The following EYS variants were observed in gnomAD, a reference collection of about 807,000 sequenced individuals.
EYS encodes protein eyes shut homolog.
In EYS, 250 loss-of-function variants were observed where a neutral mutation model predicts 282.1. The ratio of observed to expected loss-of-function variants is 0.89; its 90% CI spans 0.80 to 0.98. The LOEUF is 0.98. EYS is among the 50% of genes least tolerant of loss of function. EYS has a pLI of 0.00. For synonymous variants in EYS, 1,355 were observed against 1,282.9 expected, an observed-to-expected ratio of 1.06 and a Z score of -1.20; for missense variants, 4,016 against 3,709.0, an observed-to-expected ratio of 1.08 and a Z score of -2.15.
intron 21 of EYS, among the ~76,000 whole-genome samples, chr6:64,817,348 A>T (rs1764767121): frequency 6.6e-6 from 1 of 152,196 alleles, no homozygotes. Flanking sequence ...GCCAGAATCC[A>T]CTATGTACTA....
chr6:64,728,459 TGAGTAGCTGGGGCTACA>T (rs1771837383), intron 22 of EYS, among the ~76,000 whole-genome samples: 1 of 152,084 alleles, frequency 6.6e-6, no homozygotes, highest in East Asian at 1.9e-4. Context: ...CTTAGCCTCC[TGAGTAGCTGGGGCTACA>T]GGCGCCCGCC....
intron 8 of EYS, among the ~76,000 whole-genome samples, chr6:65,359,473 C>T (rs1764616169): frequency 6.6e-6 from 1 of 151,916 alleles, no homozygotes; most frequent in Admixed American, 6.6e-5. Context: ...CTTATTTCAG[C>T]AGCAACCTTT....
chr6:65,542,473 ATGTGTG>A (rs35318949), intron 2 of EYS, among the ~76,000 whole-genome samples: 7,667 of 146,314 alleles, frequency 0.052, 204 homozygotes, highest in African/African-American at 0.081. Flanking sequence ...TAACAATAGA[ATGTGTG>A]TGTGTGTGTG....
At chr6:65,073,334 C>G (rs1773952140) in intron 12 of EYS, among the ~76,000 whole-genome samples, 1 of 151,616 alleles carries the variant, frequency 6.6e-6, no homozygotes, top group African/African-American at 2.4e-5. Context: ...AACTGACTTT[C>G]AAGTATAAAG....
At chr6:63,904,562 T>C (rs1364648750) in intron 35 of EYS, among the ~76,000 whole-genome samples, 2 of 152,130 alleles carry the variant, frequency 1.3e-5, no homozygotes, top group Non-Finnish European at 2.9e-5. Context: ...CTGTAGAAAA[T>C]GGTGACCTTC....
intron 5 of EYS, among the ~76,000 whole-genome samples, chr6:65,414,209 T>C (rs988624168): frequency 6.6e-5 from 10 of 152,168 alleles, no homozygotes; most frequent in African/African-American, 2.2e-4. Context: ...GCTAAGAGAC[T>C]GAGTCAACAA....
chr6:64,804,685 G>A (rs1027987625), intron 22 of EYS, among the ~76,000 whole-genome samples: 4 of 152,004 alleles, frequency 2.6e-5, no homozygotes, highest in African/African-American at 9.7e-5. Context: ...ACCTATGTTT[G>A]ATAAAGGTGT....
At chr6:65,657,804 T>C (rs1427992155) in intron 1 of EYS, among the ~76,000 whole-genome samples, 3 of 151,826 alleles carry the variant, frequency 2.0e-5, no homozygotes, top group Non-Finnish European at 3.0e-5. Flanking sequence ...TCAAATAGCA[T>C]TGCGTGCTAC....
chr6:64,980,425 A>G lies in EYS; in HGVS notation c.2259+17157T>C, dbSNP rs60946950. 2.1e-3 allele frequency among the ~76,000 whole-genome samples: 319 copies of G among 151,592 alleles called. 4 individuals are homozygous for G. Among genetic ancestry groups the G allele is most frequent in the African/African-American group, 7.1e-3 (296 of 41,486 alleles). On this transcript the variant is annotated intron_variant, in intron 14 of 42. Coordinates refer to ENST00000503581, the MANE Select transcript of EYS (RefSeq NM_001142800.2). ...CTGTAGCCTCAAGATAATTCTCCAG[A>G]ATGCCACAATAAATATATATGTCTT...
chr6:63,837,852 TC>T, intron 36 of EYS, among the ~76,000 whole-genome samples: 1 of 152,266 alleles, frequency 6.6e-6, no homozygotes, highest in South Asian at 2.1e-4. Flanking sequence ...CTTGTTTTAT[TC>T]CCTTGAAGAG....
chr6:63,923,295 C>T (rs1762113169), intron 35 of EYS, among the ~76,000 whole-genome samples: 1 of 151,940 alleles, frequency 6.6e-6, no homozygotes. Context: ...ACATTTTATG[C>T]AAATATGCCA....
At chr6:65,619,356 T>C (rs1273081552) in intron 2 of EYS, among the ~76,000 whole-genome samples, 3 of 152,084 alleles carry the variant, frequency 2.0e-5, no homozygotes, top group South Asian at 4.1e-4. Flanking sequence ...TCTCTGTTTG[T>C]CTGTTATTGG....
chr6:65,404,491 C>A (rs1033504277), intron 6 of EYS, among the ~76,000 whole-genome samples: 1 of 151,902 alleles, frequency 6.6e-6, no homozygotes, highest in African/African-American at 2.4e-5. Flanking sequence ...TTAGAAGAAG[C>A]ATGTATTATT....
chr6:64,795,108 G>T (rs1323117352), intron 22 of EYS, among the ~76,000 whole-genome samples: 3 of 151,962 alleles, frequency 2.0e-5, no homozygotes, highest in Non-Finnish European at 4.4e-5. Context: ...GGTGGCAGAT[G>T]TTTGTAATCC....
chr6:64,651,638 G>A (rs534541330), intron 22 of EYS, among the ~76,000 whole-genome samples: 142 of 152,222 alleles, frequency 9.3e-4, no homozygotes, highest in Non-Finnish European at 1.4e-3. Context: ...AGCCGAGACC[G>A]CGCCACCGCA....
At chr6:65,104,483 C>T (rs1475263030) in intron 12 of EYS, among the ~76,000 whole-genome samples, 3 of 151,366 alleles carry the variant, frequency 2.0e-5, no homozygotes, top group African/African-American at 7.3e-5. Context: ...TCTTACTCAT[C>T]CTAAATGCAG....
At position 63,970,852 on chromosome 6, in the gene EYS, A is replaced by G. The variant is rs114485449; in HGVS notation, c.7055+13531T>C. 2.7e-3 allele frequency among the ~76,000 whole-genome samples: 416 copies of G among 152,332 alleles called. 2 individuals are homozygous for G. Among genetic ancestry groups the G allele is most frequent in the African/African-American group, 9.5e-3 (393 of 41,582 alleles). On this transcript the variant is annotated intron_variant, in intron 35 of 42. Transcript: ENST00000503581. The stretch of plus-strand genomic sequence containing the variant: ...GGAAACTGGAAGACAATTTTGATAA[A>G]GTATAATTTCATAATGGTAAAATCA...
rs373899378 is a variant in EYS, at chr6:64,658,382, C to A, written c.3444-32137G>T. On this transcript the variant is annotated intron_variant, in intron 22 of 42. Coordinates refer to ENST00000503581, the MANE Select transcript of EYS (RefSeq NM_001142800.2). Reference sequence around the variant, plus strand: ...AAGTCATTCTCCGTCCAGCATTGTTCTGCTGCTGGTGAGGAGCTGCATTCC... The same window carrying A: ...AAGTCATTCTCCGTCCAGCATTGTTATGCTGCTGGTGAGGAGCTGCATTCC... 1.1e-4 allele frequency among the ~76,000 whole-genome samples: 17 copies of A among 152,308 alleles called. No homozygotes were observed. In the South Asian group the frequency reaches 3.5e-3, roughly 32 times the overall value.
intron 26 of EYS, among the ~76,000 whole-genome samples, chr6:64,560,504 C>A: frequency 6.6e-6 from 1 of 152,116 alleles, no homozygotes. Flanking sequence ...ACTTTCAATT[C>A]GCTTATTCTC....
Sources: gnomAD v4.1 joint callset for allele counts (sites outside exome capture counted in the v4.1 genomes callset) on GRCh38, gnomAD v4.1.1 for gene constraint, MANE v1.5 for transcripts, NCBI Gene and HGNC (gene_info 2026-07-23, HGNC 2026-07-21) for gene names.